GLB1: variants seen among roughly 807,000 people sequenced by gnomAD.
GLB1 encodes galactosidase beta 1.
In GLB1, 56 loss-of-function variants were observed where a neutral mutation model predicts 74.0. The ratio of observed to expected loss-of-function variants is 0.76; its 90% CI spans 0.61 to 0.94. The LOEUF is 0.94. Among genes scored for constraint, GLB1 ranks in the 40% least tolerant of loss-of-function variants. The pLI is 0.00. For missense variants in GLB1, 787 were observed against 845.5 expected (o/e 0.93, Z 0.86); for synonymous variants, 323 against 323.6 (o/e 1.00, Z 0.02).
At chr3:33,046,099 C>T (rs1698729545) in intron 10 of GLB1, 21 bp downstream of exon 10, 1 of 1,610,780 alleles carries the variant, frequency 6.2e-7, no homozygotes, top group African/African-American at 1.3e-5. Flanking sequence ...CAGCCCACCA[C>T]AGCTCATACA....
chr3:33,024,182 C>T (rs1336163390), intron 11 of GLB1, 69 bp downstream of exon 11: 1 of 1,508,864 alleles, frequency 6.6e-7, no homozygotes, highest in Non-Finnish European at 9.0e-7. Flanking sequence ...CTTTCACTCA[C>T]TGCTACTAAA....
chr3:33,027,295 G>A (rs6776436), intron 10 of GLB1, among the ~76,000 whole-genome samples: 3,373 of 152,364 alleles, frequency 0.022, 127 homozygotes, highest in African/African-American at 0.075. Context: ...AGCAGCCAGC[G>A]TGTCTGACCG....
intron 10 of GLB1, among the ~76,000 whole-genome samples, chr3:33,033,145 T>G (rs893162053): frequency 6.6e-6 from 1 of 152,210 alleles, no homozygotes; most frequent in African/African-American, 2.4e-5. Flanking sequence ...CTTAGCATCA[T>G]AGTGCAATAC....
the GLB1 span, among the ~76,000 whole-genome samples, chr3:32,988,992 T>C: frequency 2.6e-4 from 14 of 53,134 alleles, no homozygotes; most frequent in African/African-American, 1.1e-3. Context: ...TCAAGATCAC[T>C]GGGGTGGGGG....
At position 33,030,002 on chromosome 3, in the gene GLB1, A is replaced by G. The variant is rs1013653786; in HGVS notation, c.1069-5677T>C. On this transcript the variant is annotated intron_variant, in intron 10 of 15. Coordinates refer to ENST00000307363, the MANE Select transcript of GLB1 (RefSeq NM_000404.4). ...GTAATGTTTAAAAGATTTCTACAAC[A>G]TAAGTGATAGAAAACAAAATGTGAC... 4.6e-5 allele frequency: 7 copies of G among 152,166 alleles called. No individual in the cohort carries two copies. In the South Asian group the frequency reaches 6.2e-4, roughly 14 times the overall value. 9.4% of individuals were successfully genotyped at this position (152,166 alleles called of 1,614,324 possible). A position where few individuals can be genotyped will look rare whatever the true frequency, so the allele number is the denominator to read the frequency against.
intron 10 of GLB1, among the ~76,000 whole-genome samples, chr3:33,025,251 C>T (rs72854770): frequency 6.6e-6 from 1 of 152,126 alleles, no homozygotes; most frequent in East Asian, 1.9e-4. Flanking sequence ...GGCCACAAAT[C>T]CTCTTTTTTT....
rs537175368 is a variant in GLB1, at chr3:32,997,418, T to C, written c.1735-74A>G. The C allele has an allele frequency of 4.9e-5, 78 of 1,595,390 alleles. 1 individual carries two copies. In the South Asian group the frequency reaches 8.4e-4, roughly 17 times the overall value. ...CCTGAGGAAGGTGGGGGCCCTGATG[T>C]AGGGCAGGCCAGCAGCAATGGAGGA... On this transcript the variant is annotated intron_variant, in intron 15 of 15. Transcript: ENST00000307363.
chr3:33,076,826 C>T (rs1416572992), intron 1 of GLB1, among the ~76,000 whole-genome samples: 1 of 152,148 alleles, frequency 6.6e-6, no homozygotes, highest in East Asian at 1.9e-4. Flanking sequence ...GTGATAAATA[C>T]AGAGAAAGAG....
intron 7 of GLB1, among the ~76,000 whole-genome samples, chr3:33,052,964 T>C (rs1699057010): frequency 6.6e-6 from 1 of 152,224 alleles, no homozygotes; most frequent in Non-Finnish European, 1.5e-5. Context: ...TGGGGCAGTC[T>C]GACCTAGTGC....
chr3:33,038,188 G>GAA (rs1698361829), intron 10 of GLB1, among the ~76,000 whole-genome samples: 1 of 152,142 alleles, frequency 6.6e-6, no homozygotes, highest in South Asian at 2.1e-4. Flanking sequence ...TCTCTTCTGT[G>GAA]AGCCCCTCCA....
At chr3:32,978,765 C>CTTTTTTT in the GLB1 span, among the ~76,000 whole-genome samples, 4 of 126,048 alleles carry the variant, frequency 3.2e-5, no homozygotes, top group Non-Finnish European at 4.8e-5. Context: ...TTCTTTCTTT[C>CTTTTTTT]TTTTTTTTTT....
At chr3:32,974,428 CATCTAT>C in the GLB1 span, among the ~76,000 whole-genome samples, 1 of 152,182 alleles carries the variant, frequency 6.6e-6, no homozygotes, top group Non-Finnish European at 1.5e-5. Context: ...CCCATATCCA[CATCTAT>C]ATCTATATCA....
intron 10 of GLB1, among the ~76,000 whole-genome samples, chr3:33,025,104 C>G (rs1480992224): frequency 6.6e-6 from 1 of 152,196 alleles, no homozygotes; most frequent in Non-Finnish European, 1.5e-5. Flanking sequence ...CACCACCACA[C>G]CTGGCTAATT....
the GLB1 span, among the ~76,000 whole-genome samples, chr3:32,974,873 T>C: frequency 6.6e-6 from 1 of 152,146 alleles, no homozygotes; most frequent in Non-Finnish European, 1.5e-5. Context: ...CCAATTCAAA[T>C]GTTAGTGCCA....
intron 6 of GLB1, among the ~76,000 whole-genome samples, chr3:33,053,830 T>G (rs986367843): frequency 2.6e-5 from 4 of 152,034 alleles, no homozygotes; most frequent in Non-Finnish European, 5.9e-5. Context: ...CTGGCCAACA[T>G]GGTGAAACCC....
the GLB1 span, among the ~76,000 whole-genome samples, chr3:32,987,995 CTA>C: frequency 6.6e-6 from 1 of 151,878 alleles, no homozygotes; most frequent in Non-Finnish European, 1.5e-5. Flanking sequence ...GACCACCTGA[CTA>C]ACATGGTGAA....
At chr3:33,075,726 C>T (rs536330538) in intron 1 of GLB1, among the ~76,000 whole-genome samples, 2 of 152,192 alleles carry the variant, frequency 1.3e-5, no homozygotes, top group South Asian at 4.2e-4. Context: ...AAGAAACACC[C>T]CAAACTGTGT....
At chr3:33,088,983 T>A (rs1176791147) in intron 1 of GLB1, among the ~76,000 whole-genome samples, 1 of 152,186 alleles carries the variant, frequency 6.6e-6, no homozygotes, top group African/African-American at 2.4e-5. Flanking sequence ...CTCTTGTGTA[T>A]ATGGTCAAAT....
At chr3:33,038,019 CAAAAAAAAAAAAAA>C (rs63478362) in intron 10 of GLB1, 5 of 71,702 alleles carry the variant, frequency 7.0e-5, no homozygotes, top group African/African-American at 3.1e-4. Context: ...GGCGACTCTT[CAAAAAAAAAAAAAA>C]AAAAAAAAAA....
Sources: gnomAD v4.1 joint callset for allele counts (sites outside exome capture counted in the v4.1 genomes callset) on GRCh38, gnomAD v4.1.1 for gene constraint, MANE v1.5 for transcripts, NCBI Gene and HGNC (gene_info 2026-07-23, HGNC 2026-07-21) for gene names.